Variants in RBFOX1 observed in about 807,000 individuals in gnomAD.
RBFOX1 encodes the protein RNA binding protein fox-1 homolog 1.
Under a neutral mutation model 57.7 loss-of-function variants are expected in RBFOX1, and 8 were observed. The observed-to-expected ratio is 0.14, with a 90% confidence interval of 0.08 to 0.25. RBFOX1 has a LOEUF of 0.25. Among genes scored for constraint, RBFOX1 ranks in the 10% least tolerant of loss-of-function variants. RBFOX1 has a pLI of 1.00. For missense variants in RBFOX1, 611 were observed against 548.5 expected (o/e 1.11, Z -1.14); for synonymous variants, 326 against 222.4 (o/e 1.47, Z -4.15).
chr16:5,718,558 A>G (rs1176035678), intron 3 of RBFOX1, among the ~76,000 whole-genome samples: 1 of 152,224 alleles, frequency 6.6e-6, no homozygotes, highest in East Asian at 1.9e-4. Context: ...TATTAAATGC[A>G]TGGGGCTTTG....
chr16:5,472,067 G>A (rs557263835), intron 2 of RBFOX1, among the ~76,000 whole-genome samples: 10 of 152,200 alleles, frequency 6.6e-5, no homozygotes, highest in East Asian at 1.9e-4. Context: ...GACTTCTGAC[G>A]GATGCTCTTT....
intron 3 of RBFOX1, among the ~76,000 whole-genome samples, chr16:6,862,585 G>C (rs1269430451): frequency 2.0e-5 from 3 of 152,188 alleles, no homozygotes; most frequent in East Asian, 1.9e-4. Context: ...AGAAAAGAGA[G>C]TTCATGTTAC....
At chr16:7,340,077 A>C (rs1226915072) in intron 4 of RBFOX1, among the ~76,000 whole-genome samples, 2 of 152,188 alleles carry the variant, frequency 1.3e-5, no homozygotes, top group African/African-American at 2.4e-5. Flanking sequence ...CACATCTCCA[A>C]ATCAATCATC....
At chr16:6,809,217 G>A (rs2087763646) in intron 3 of RBFOX1, among the ~76,000 whole-genome samples, 1 of 152,130 alleles carries the variant, frequency 6.6e-6, no homozygotes, top group South Asian at 2.1e-4. Context: ...TGGCTACGCT[G>A]GAGTCTCTGA....
chr16:6,997,254 C>A (rs1187101749), intron 3 of RBFOX1, among the ~76,000 whole-genome samples: 1 of 151,978 alleles, frequency 6.6e-6, no homozygotes, highest in East Asian at 1.9e-4. Flanking sequence ...TGATTTGACT[C>A]AACTTCTCCT....
Position 6,787,988 on chromosome 16 carries a change from C to T in RBFOX1, c.-16+133338C>T, listed in dbSNP as rs1005765492. 1.8e-4 allele frequency among the ~76,000 whole-genome samples: 25 copies of T among 136,592 alleles called. 1 individual carries two copies. Among genetic ancestry groups the T allele is most frequent in the Admixed American group, 1.5e-3 (21 of 14,070 alleles). The allele number at this position is 136,592 out of a possible 152,430, so 89.6% of individuals were successfully genotyped here. A position where few individuals can be genotyped will look rare whatever the true frequency, so the allele number is the denominator to read the frequency against. ...CTGTAATCCCAGCACTTTGGGAGTC[C>T]GAGGTGGGGGGACCGCTTGAGGTCA... On this transcript the variant is annotated intron_variant, in intron 3 of 15. Transcript: ENST00000550418.
chr16:6,752,482 G>A (rs1408765616), intron 3 of RBFOX1, among the ~76,000 whole-genome samples: 1 of 152,162 alleles, frequency 6.6e-6, no homozygotes, highest in Non-Finnish European at 1.5e-5. Context: ...TCTGTCGCTG[G>A]ACCTTGCTAT....
chr16:6,568,268 G>A (rs1361111391), intron 2 of RBFOX1, among the ~76,000 whole-genome samples: 2 of 152,140 alleles, frequency 1.3e-5, no homozygotes, highest in Non-Finnish European at 2.9e-5. Flanking sequence ...TACATCAGCT[G>A]GGGCAGCCGT....
chr16:7,026,962 T>G (rs984681461), intron 3 of RBFOX1, among the ~76,000 whole-genome samples: 1 of 152,162 alleles, frequency 6.6e-6, no homozygotes, highest in African/African-American at 2.4e-5. Context: ...TTGGGTGCTT[T>G]GCCCTCTCTG....
chr16:7,408,087 A>G (rs944553220), intron 4 of RBFOX1, among the ~76,000 whole-genome samples: 3 of 152,244 alleles, frequency 2.0e-5, no homozygotes, highest in African/African-American at 7.2e-5. Flanking sequence ...TAGGGAGGAC[A>G]GAAAGGTTGA....
chr16:7,247,858 G>T (rs1244676224), intron 4 of RBFOX1, among the ~76,000 whole-genome samples: 3 of 152,150 alleles, frequency 2.0e-5, no homozygotes, highest in African/African-American at 7.2e-5. Context: ...TGGACCCATA[G>T]AGGGGAACAA....
chr16:6,454,568 A>C (rs188187427), intron 2 of RBFOX1, among the ~76,000 whole-genome samples: 68 of 152,312 alleles, frequency 4.5e-4, no homozygotes, highest in African/African-American at 1.5e-3. Context: ...AAAAACAAGG[A>C]AACAAAAAAT....
At position 5,784,430 on chromosome 16, in the gene RBFOX1, C is replaced by CAA. The variant is rs112215879; in HGVS notation, c.319-82864_319-82863dup. Among the ~76,000 whole-genome samples, 484 of 147,604 alleles carry CAA rather than the reference C, an allele frequency of 3.3e-3. 6 individuals carry two copies. The highest frequency in any genetic ancestry group is 0.011 in the African/African-American group (461 of 40,262). On this transcript the variant is annotated intron_variant, in intron 3 of 19. Transcript: ENST00000641259. ...CGACAGAGCGAGAGTCCGTCTGAAACAAAAAAAAAAGAGGAAGCAGGCACA... is the reference window on the plus strand; with the variant it reads ...CGACAGAGCGAGAGTCCGTCTGAAACAAAAAAAAAAAAGAGGAAGCAGGCACA...
intron 2 of RBFOX1, among the ~76,000 whole-genome samples, chr16:6,545,582 C>T (rs906428845): frequency 1.5e-4 from 23 of 152,216 alleles, no homozygotes; most frequent in Non-Finnish European, 3.2e-4. Flanking sequence ...CAATTCCCAA[C>T]CCCTCCGATA....
At chr16:5,445,946 A>G (rs1416724159) in intron 1 of RBFOX1, among the ~76,000 whole-genome samples, 1 of 152,230 alleles carries the variant, frequency 6.6e-6, no homozygotes, top group East Asian at 1.9e-4. Flanking sequence ...AGGAGTAAGA[A>G]GAACATTGAG....
intron 12 of RBFOX1, among the ~76,000 whole-genome samples, chr16:7,663,504 C>CGT (rs57358282): frequency 0.15 from 22,313 of 148,790 alleles, 1,692 homozygotes; most frequent in Middle Eastern, 0.19. Flanking sequence ...GTCAGTACAG[C>CGT]GTGTGTGTGT....
At chr16:6,754,260 A>T (rs1056395266) in intron 3 of RBFOX1, among the ~76,000 whole-genome samples, 2 of 152,134 alleles carry the variant, frequency 1.3e-5, no homozygotes, top group Non-Finnish European at 2.9e-5. Flanking sequence ...ATTCAGATCA[A>T]TTTCCAGAAA....
chr16:7,060,624 C>T (rs2053954869), intron 4 of RBFOX1, among the ~76,000 whole-genome samples: 1 of 152,296 alleles, frequency 6.6e-6, no homozygotes, highest in Admixed American at 6.5e-5. Context: ...ACCCTAATGA[C>T]TCAGAACCCC....
In RBFOX1 at chr16:5,978,649, C is replaced by G. The variant is rs534508630; in HGVS notation, c.351+111314C>G. Among the ~76,000 whole-genome samples the G allele has an allele frequency of 3.4e-5, 5 of 145,740 alleles. No homozygotes were observed. In the East Asian group the frequency reaches 8.1e-4, roughly 24 times the overall value. ...CTGTTATGTGAAAAAGACTCAGAGT[C>G]TCAAAGTGTTTTTTTTGTTTTTTTG... On this transcript the variant is annotated intron_variant, in intron 4 of 19. Transcript: ENST00000641259.
Sources: allele counts gnomAD v4.1 joint callset (sites outside exome capture counted in the v4.1 genomes callset), GRCh38; gene constraint gnomAD v4.1.1; transcripts MANE v1.5; gene names NCBI Gene and HGNC (gene_info 2026-07-23, HGNC 2026-07-21).